Variants in DNAH9 observed in about 807,000 individuals in gnomAD.
DNAH9 encodes dynein axonemal heavy chain 9.
DNAH9 carries 345 observed loss-of-function variants against 471.6 expected under a neutral mutation model. The ratio of observed to expected loss-of-function variants is 0.73; its 90% CI spans 0.67 to 0.80. The LOEUF (loss-of-function observed/expected upper bound fraction) is 0.80, where lower values mean the gene tolerates loss of function less well. Among genes scored for constraint, DNAH9 ranks in the 30% least tolerant of loss-of-function variants. The pLI, the probability that DNAH9 is intolerant of heterozygous loss-of-function variation, is 0.00. For synonymous variants in DNAH9, 2,093 were observed against 2,123.6 expected, an observed-to-expected ratio of 0.99 and a Z score of 0.40; for missense variants, 5,407 against 5,609.2, an observed-to-expected ratio of 0.96 and a Z score of 1.15.
chr17:11,783,764 T>A lies in DNAH9; in HGVS notation c.7821+16T>A. The A allele has an allele frequency of 4.4e-6, 7 of 1,600,940 alleles. No homozygotes were observed. In the South Asian group the frequency reaches 7.7e-5, roughly 18 times the overall value. ...CCGGCTTCAGGTACAGGAGGAGCCA[T>A]GGGACCTGGGTCCTAATCCTATCTT... is the stretch of plus-strand genomic sequence containing the variant. On this transcript the variant is annotated intron_variant, in intron 40 of 68. Coordinates refer to ENST00000262442, the MANE Select transcript of DNAH9 (RefSeq NM_001372.4).
intron 53 of DNAH9, among the ~76,000 whole-genome samples, chr17:11,878,970 G>A (rs2150993200): frequency 6.6e-6 from 1 of 152,168 alleles, no homozygotes; most frequent in East Asian, 1.9e-4. Context: ...CAAGTGGTTA[G>A]CTATTGTTTC....
intron 28 of DNAH9, among the ~76,000 whole-genome samples, chr17:11,731,630 A>G (rs1024488647): frequency 7.1e-6 from 1 of 140,722 alleles, no homozygotes; most frequent in Non-Finnish European, 1.5e-5. Flanking sequence ...ATTCCCACCT[A>G]TGAGTGAGAA....
At chr17:11,700,950 A>C (rs979618632) in intron 23 of DNAH9, among the ~76,000 whole-genome samples, 172 bp from the exon 24 acceptor site, 1 of 152,118 alleles carries the variant, frequency 6.6e-6, no homozygotes, top group Non-Finnish European at 1.5e-5. Context: ...ACTTATCACC[A>C]TCCCGGATTA....
chr17:11,786,905 G>A (rs558530321), intron 41 of DNAH9, among the ~76,000 whole-genome samples: 1 of 152,288 alleles, frequency 6.6e-6, no homozygotes, highest in South Asian at 2.1e-4. Flanking sequence ...TTTGCAGCCT[G>A]CCAGCTGTCA....
chr17:11,853,914 C>T (rs1597736703), intron 49 of DNAH9, 89 bp from the exon 50 acceptor site: 1 of 1,299,916 alleles, frequency 7.7e-7, no homozygotes, highest in Middle Eastern at 1.9e-4. Context: ...CCCTTTCAAA[C>T]CGATCGCTCC....
At chr17:11,739,170 T>G (rs964703173) in intron 29 of DNAH9, 133 bp downstream of exon 29, 14 of 831,134 alleles carry the variant, frequency 1.7e-5, no homozygotes, top group Non-Finnish European at 2.2e-5. Context: ...CAACCTTCTT[T>G]AATGTCTTTA....
chr17:11,678,792 A>G (rs1278886793), intron 17 of DNAH9, among the ~76,000 whole-genome samples: 1 of 152,128 alleles, frequency 6.6e-6, no homozygotes, highest in Non-Finnish European at 1.5e-5. Flanking sequence ...GCAATTCTAG[A>G]AAATGTTTAG....
At chr17:11,748,797 C>T (rs1444084833) in intron 32 of DNAH9, among the ~76,000 whole-genome samples, 1 of 152,074 alleles carries the variant, frequency 6.6e-6, no homozygotes, top group Non-Finnish European at 1.5e-5. Flanking sequence ...ATAAGGAGGA[C>T]CTCTTTCTAA....
chr17:11,778,716 T>C (rs1968558416), intron 38 of DNAH9, among the ~76,000 whole-genome samples: 2 of 152,044 alleles, frequency 1.3e-5, no homozygotes, highest in South Asian at 4.1e-4. Context: ...CTTTGAAAAT[T>C]AAATTGCAGG....
chr17:11,726,849 C>A (rs2075161137), intron 27 of DNAH9, among the ~76,000 whole-genome samples: 1 of 151,948 alleles, frequency 6.6e-6, no homozygotes, highest in South Asian at 2.1e-4. Flanking sequence ...GAGTTTGAGA[C>A]CAGCCCTGAC....
Position 11,769,242 on chromosome 17 carries a change from G to T in DNAH9, c.7465G>T (p.Gly2489Ter). The T allele has an allele frequency of 6.2e-7, 1 of 1,614,146 alleles. No homozygotes were observed. The change falls in exon 38 of 69, where the codon GGA becomes TGA. Residue 2489 changes from glycine to a stop codon, truncating the protein, a stop_gained. Coordinates refer to ENST00000262442, the MANE Select transcript of DNAH9 (RefSeq NM_001372.4). LOFTEE classifies it high-confidence loss of function. The stretch of plus-strand genomic sequence containing the variant: ...TGGCACTGGCAAGTCGGTGCTGGTG[G>T]GAGCTAAGCTGGCCAGCCTTGACCC... The part of the protein sequence containing the change: ...TAGTGKSVLV[G>*]AKLASLDPEA...
chr17:11,699,828 A>G lies in DNAH9; in HGVS notation c.4970A>G (p.Tyr1657Cys). The G allele has an allele frequency of 6.2e-7, 1 of 1,614,212 alleles. No individual in the cohort carries two copies. Among genetic ancestry groups the G allele is most frequent in the Non-Finnish European group, 8.5e-7 (1 of 1,179,990 alleles). The change falls in exon 23 of 69, where the codon TAC becomes TGC. Residue 1657 changes from tyrosine (Y) to cysteine (C), a missense_variant. Around this residue, in one of 3 missense-constraint regions of DNAH9, gnomAD observed 4,636 missense variants for 4,900.3 expected, o/e 0.95. Transcript: ENST00000262442. ...GEPTKTSLGM[Y>C]SKEEEYVAFS... ...CCAACCAAGACAAGCCTCGGCATGT[A>G]CAGCAAAGAAGAGGAGTATGTGGCT...
chr17:11,783,603 C>G (rs1226782506), intron 39 of DNAH9, 43 bp from the exon 40 acceptor site: 5 of 1,511,586 alleles, frequency 3.3e-6, no homozygotes, highest in Middle Eastern at 1.7e-4. Context: ...TCACCTGCCT[C>G]AGTCCTCAGA....
chr17:11,801,833 G>A (rs1484924019), intron 43 of DNAH9, among the ~76,000 whole-genome samples: 3 of 152,072 alleles, frequency 2.0e-5, no homozygotes, highest in Non-Finnish European at 4.4e-5. Context: ...TGAAAAAATT[G>A]TAAGTGATTC....
intron 38 of DNAH9, among the ~76,000 whole-genome samples, chr17:11,778,373 GA>G (rs1245652764): frequency 4.7e-5 from 5 of 105,494 alleles, no homozygotes; most frequent in Middle Eastern, 6.1e-3. Flanking sequence ...GAAAAGGGAA[GA>G]AAAAAAAGAG....
intron 48 of DNAH9, among the ~76,000 whole-genome samples, chr17:11,834,416 A>G (rs1290438432): frequency 2.0e-5 from 3 of 152,028 alleles, no homozygotes; most frequent in Non-Finnish European, 4.4e-5. Context: ...CACATTTACT[A>G]TGGTGGAGAG....
At chr17:11,856,032 C>G (rs777635471) in intron 50 of DNAH9, among the ~76,000 whole-genome samples, 1 of 152,130 alleles carries the variant, frequency 6.6e-6, no homozygotes, top group Admixed American at 6.5e-5. Context: ...GGAGCTGCCC[C>G]CCTGCTGTGT....
chr17:11,817,104 G>A (rs1970127078), intron 45 of DNAH9, among the ~76,000 whole-genome samples: 2 of 152,034 alleles, frequency 1.3e-5, no homozygotes, highest in African/African-American at 4.8e-5. Flanking sequence ...GGTCTCAGGA[G>A]GAAACTTCTC....
intron 6 of DNAH9, among the ~76,000 whole-genome samples, chr17:11,625,404 G>A (rs564385380): frequency 6.6e-6 from 1 of 152,130 alleles, no homozygotes; most frequent in Non-Finnish European, 1.5e-5. Context: ...GCCGAATTGG[G>A]TATCTTCCCT....
Sources: allele counts gnomAD v4.1 joint callset (sites outside exome capture counted in the v4.1 genomes callset), GRCh38; gene constraint gnomAD v4.1.1; regional missense constraint gnomAD v4.1.1; transcripts MANE v1.5; gene names NCBI Gene and HGNC (gene_info 2026-07-23, HGNC 2026-07-21).